The following TRPC1 variants were observed in gnomAD, a reference collection of about 807,000 sequenced individuals.
TRPC1 encodes transient receptor potential cation channel subfamily C member 1, also known as short transient receptor potential channel 1.
Under a neutral mutation model 88.2 loss-of-function variants are expected in TRPC1, and 42 were observed. The observed-to-expected ratio is 0.48, with a 90% confidence interval of 0.37 to 0.62. TRPC1 has a LOEUF of 0.62. Among genes scored for constraint, TRPC1 ranks in the 20% least tolerant of loss-of-function variants. TRPC1 has a pLI of 0.00. For synonymous variants in TRPC1, 288 were observed against 331.8 expected (o/e 0.87, Z 1.43); for missense variants, 699 against 957.3 (o/e 0.73, Z 3.56).
At chr3:142,731,965 T>C (rs1380365498) in intron 1 of TRPC1, among the ~76,000 whole-genome samples, 1 of 152,230 alleles carries the variant, frequency 6.6e-6, no homozygotes, top group African/African-American at 2.4e-5. Context: ...CTGTGGCTGC[T>C]TTTGTGTTGA....
chr3:142,794,185 A>G (rs1228859396), intron 9 of TRPC1, among the ~76,000 whole-genome samples: 18 of 152,046 alleles, frequency 1.2e-4, no homozygotes, highest in Admixed American at 1.2e-3. Context: ...TGTCCTTTTG[A>G]TTTATTTTTG....
intron 7 of TRPC1, among the ~76,000 whole-genome samples, chr3:142,790,598 AAG>A (rs1443969949): frequency 6.6e-6 from 1 of 151,418 alleles, no homozygotes; most frequent in East Asian, 1.9e-4. Context: ...AGGTAGAGAA[AAG>A]AAAAGGATCA....
intron 1 of TRPC1, among the ~76,000 whole-genome samples, chr3:142,726,087 T>G (rs1212822165): frequency 6.6e-6 from 1 of 152,156 alleles, no homozygotes; most frequent in Non-Finnish European, 1.5e-5. Context: ...GTAAAATTAT[T>G]TAGTATTGCT....
At chr3:142,728,331 AT>A (rs1933762182) in intron 1 of TRPC1, among the ~76,000 whole-genome samples, 1 of 125,118 alleles carries the variant, frequency 8.0e-6, no homozygotes, top group Non-Finnish European at 1.6e-5. Flanking sequence ...TGATGACTGT[AT>A]TTCTTTTTTT....
Position 142,777,690 on chromosome 3 carries a change from G to A in TRPC1, c.691G>A (p.Glu231Lys), listed in dbSNP as rs1935829349. 1 of 1,613,036 alleles carries A rather than the reference G, an allele frequency of 6.2e-7. No homozygotes were observed. The highest frequency in any genetic ancestry group is 8.5e-7 in the Non-Finnish European group (1 of 1,179,262). Residue 231 changes from glutamate (E) to lysine (K), a missense_variant, in exon 5 of 13, where the codon GAG (glutamate) becomes AAG (lysine). Transcript: ENST00000476941. ...TCCAGCTCTAATAATGTTAACAGAG[G>A]AGGATCCAATTCTGAGAGCATTTGA... ...ASPALIMLTE[E>K]DPILRAFELS...
intron 3 of TRPC1, among the ~76,000 whole-genome samples, chr3:142,744,912 G>T (rs1324980554): frequency 5.3e-5 from 8 of 152,140 alleles, no homozygotes; most frequent in Admixed American, 5.2e-4. Flanking sequence ...AATATAGGCT[G>T]GCTATAAGCA....
intron 4 of TRPC1, among the ~76,000 whole-genome samples, chr3:142,769,365 A>G (rs950327516): frequency 3.3e-5 from 5 of 152,034 alleles, no homozygotes; most frequent in Non-Finnish European, 7.4e-5. Context: ...TTTTTAAAAC[A>G]TTTTTATTTT....
At chr3:142,763,491 T>C (rs1935261800) in intron 4 of TRPC1, among the ~76,000 whole-genome samples, 1 of 152,056 alleles carries the variant, frequency 6.6e-6, no homozygotes, top group Non-Finnish European at 1.5e-5. Flanking sequence ...TTATCTGATA[T>C]AAGAATAGAT....
intron 8 of TRPC1, 42 bp downstream of exon 8, chr3:142,791,200 A>G: frequency 6.5e-7 from 1 of 1,542,864 alleles, no homozygotes. Flanking sequence ...AATTAAGTTT[A>G]TTTTGGAAAT....
chr3:142,799,801 TA>T (rs1936562064), intron 9 of TRPC1, among the ~76,000 whole-genome samples: 1 of 152,084 alleles, frequency 6.6e-6, no homozygotes, highest in Non-Finnish European at 1.5e-5. Context: ...CTCTGTCTCT[TA>T]AAAATTTCTT....
chr3:142,803,828 C>A (rs1371393089), intron 10 of TRPC1, 149 bp from the exon 11 acceptor site: 7 of 731,652 alleles, frequency 9.6e-6, no homozygotes, highest in Non-Finnish European at 1.5e-5. Flanking sequence ...TAAGGCATAT[C>A]AGTACTGTGG....
Position 142,756,064 on chromosome 3 carries a change from C to CCATATTGTTTGAGGTCCAA in TRPC1, c.632+7614_632+7615insGAGGTCCAACATATTGTTT, listed in dbSNP as rs1287312652. ...TTACCATAATATTTTTGAGGTCCAT[C>CCATATTGTTTGAGGTCCAA]CATATTGTTTCATATGTCAGTAATT... On this transcript the variant is annotated intron_variant, in intron 4 of 12. Transcript: ENST00000476941. Among the ~76,000 whole-genome samples, 650 of 152,252 alleles carry CCATATTGTTTGAGGTCCAA rather than the reference C, an allele frequency of 4.3e-3. 3 individuals carry two copies. The highest frequency in any genetic ancestry group is 0.015 in the African/African-American group (619 of 41,566).
At chr3:142,784,472 A>G (rs1936066623) in intron 6 of TRPC1, among the ~76,000 whole-genome samples, 1 of 152,166 alleles carries the variant, frequency 6.6e-6, no homozygotes, top group Admixed American at 6.5e-5. Flanking sequence ...GTTAAAGGTC[A>G]TTTACCAAGT....
rs114468251 is a variant in TRPC1, at chr3:142,788,120, G to A, written c.1298-2899G>A. On this transcript the variant is annotated intron_variant, in intron 7 of 12. Transcript: ENST00000476941. ...ATTTTGACTTTATATTAAGAACAAG[G>A]GGAAACCATTGCCTACCTGAAGTAG... Among the ~76,000 whole-genome samples the A allele has an allele frequency of 5.9e-3, 905 of 152,282 alleles. 8 individuals carry two copies. Among genetic ancestry groups the A allele is most frequent in the African/African-American group, 0.021 (856 of 41,548 alleles).
chr3:142,756,383 A>G (rs11915805), intron 4 of TRPC1, among the ~76,000 whole-genome samples: 66,334 of 147,248 alleles, frequency 0.45, 15,714 homozygotes, highest in African/African-American at 0.6. Flanking sequence ...TTTTTGAGAC[A>G]GAGTCTCGCT....
At chr3:142,744,152 G>T (rs1191495774) in intron 3 of TRPC1, among the ~76,000 whole-genome samples, 1 of 151,740 alleles carries the variant, frequency 6.6e-6, no homozygotes, top group Non-Finnish European at 1.5e-5. Flanking sequence ...TATTAGAAAA[G>T]GACATAGAAA....
chr3:142,778,664 C>T (rs557765443), intron 5 of TRPC1, among the ~76,000 whole-genome samples: 4 of 152,184 alleles, frequency 2.6e-5, no homozygotes, highest in South Asian at 2.1e-4. Flanking sequence ...CTTTCCTATA[C>T]GGCTGCTATT....
At chr3:142,779,169 A>G (rs1353953981) in intron 5 of TRPC1, among the ~76,000 whole-genome samples, 3 of 152,228 alleles carry the variant, frequency 2.0e-5, no homozygotes, top group African/African-American at 7.2e-5. Context: ...GGAAGCGATC[A>G]TAGAAACCCA....
intron 4 of TRPC1, among the ~76,000 whole-genome samples, chr3:142,748,904 C>A (rs893835919): frequency 1.3e-5 from 2 of 152,162 alleles, no homozygotes; most frequent in African/African-American, 2.4e-5. Context: ...TCTTATTGAT[C>A]ATCTCTTCCT....
Sources: gnomAD v4.1 joint callset for allele counts (sites outside exome capture counted in the v4.1 genomes callset) on GRCh38, gnomAD v4.1.1 for gene constraint, MANE v1.5 for transcripts, NCBI Gene and HGNC (gene_info 2026-07-23, HGNC 2026-07-21) for gene names.